Variants in NELL1 observed in about 807,000 individuals in gnomAD.
NELL1 encodes protein kinase C-binding protein NELL1.
A neutral mutation model predicts 107.4 loss-of-function variants in NELL1; 76 were observed. The ratio of observed to expected loss-of-function variants is 0.71; its 90% confidence interval spans 0.59 to 0.86. The LOEUF (loss-of-function observed/expected upper bound fraction) is 0.86, where lower values mean the gene tolerates loss of function less well. Among genes scored for constraint, NELL1 ranks in the 40% least tolerant of loss-of-function variants. The pLI is 0.00. For synonymous variants in NELL1, 353 were observed against 341.2 expected (o/e 1.03, Z -0.38); for missense variants, 1,024 against 1,005.5 (o/e 1.02, Z -0.25).
chr11:20,762,362 T>C lies in NELL1; in HGVS notation c.185-21318T>C, dbSNP rs536061489. On this transcript the variant is annotated intron_variant, in intron 2 of 19. Coordinates refer to ENST00000357134, the MANE Select transcript of NELL1 (RefSeq NM_006157.5). ...AAAAGCTCTTTGTACACTGAGCACG[T>C]CTGCGGTTACGGATGAACCCTCTCC... Among the ~76,000 whole-genome samples, 7 of 152,330 alleles carry C rather than the reference T, an allele frequency of 4.6e-5. No individual in the cohort carries two copies. The East Asian group carries it at 1.2e-3, about 25-fold the overall frequency.
intron 15 of NELL1, among the ~76,000 whole-genome samples, chr11:21,438,401 T>C (rs1012273997): frequency 6.6e-6 from 1 of 152,214 alleles, no homozygotes; most frequent in African/African-American, 2.4e-5. Context: ...TACTTTTTTC[T>C]CTTTGAATGT....
At chr11:21,376,419 A>G (rs1590880666) in intron 15 of NELL1, among the ~76,000 whole-genome samples, 2 of 151,872 alleles carry the variant, frequency 1.3e-5, no homozygotes, top group East Asian at 3.9e-4. Flanking sequence ...GTCTTTTTTT[A>G]CAAGTACCAT....
At chr11:20,728,433 A>G (rs1295322879) in intron 2 of NELL1, among the ~76,000 whole-genome samples, 2 of 152,162 alleles carry the variant, frequency 1.3e-5, no homozygotes, top group African/African-American at 2.4e-5. Context: ...CATGATTCAT[A>G]TAGTTTGATG....
At chr11:21,314,738 A>G (rs552008829) in intron 14 of NELL1, among the ~76,000 whole-genome samples, 5 of 152,320 alleles carry the variant, frequency 3.3e-5, no homozygotes, top group Admixed American at 1.3e-4. Flanking sequence ...TTAGCCTTAT[A>G]CTTAAGAGTA....
intron 2 of NELL1, among the ~76,000 whole-genome samples, chr11:20,772,335 A>G (rs948913371): frequency 7.9e-5 from 12 of 152,194 alleles, no homozygotes; most frequent in South Asian, 2.1e-4. Flanking sequence ...AGAAATATAC[A>G]CAATAAGCTA....
intron 2 of NELL1, among the ~76,000 whole-genome samples, chr11:20,695,402 C>CT (rs1854588279): frequency 6.6e-6 from 1 of 152,230 alleles, no homozygotes; most frequent in East Asian, 1.9e-4. Flanking sequence ...CAGCTTTTGC[C>CT]TGTCCAATAC....
At chr11:20,712,401 G>T (rs1855135603) in intron 2 of NELL1, among the ~76,000 whole-genome samples, 1 of 151,788 alleles carries the variant, frequency 6.6e-6, no homozygotes. Context: ...CCTTTCTCTG[G>T]CATCTCCTTG....
At chr11:21,034,483 A>G (rs1251125295) in intron 12 of NELL1, among the ~76,000 whole-genome samples, 1 of 152,176 alleles carries the variant, frequency 6.6e-6, no homozygotes, top group Non-Finnish European at 1.5e-5. Flanking sequence ...TCTAAAATTG[A>G]TCACATCATT....
intron 8 of NELL1, 98 bp downstream of exon 8, chr11:20,927,540 C>T: frequency 8.2e-7 from 1 of 1,213,204 alleles, no homozygotes; most frequent in Non-Finnish European, 1.1e-6. Flanking sequence ...AATATTAACT[C>T]TGAGAATTGT....
intron 13 of NELL1, among the ~76,000 whole-genome samples, chr11:21,172,138 C>T (rs1474790556): frequency 6.6e-6 from 1 of 151,768 alleles, no homozygotes; most frequent in Non-Finnish European, 1.5e-5. Context: ...TTTGGATCTA[C>T]CTATTGAACG....
chr11:21,226,445 C>T (rs1857894902), intron 13 of NELL1, among the ~76,000 whole-genome samples: 1 of 152,150 alleles, frequency 6.6e-6, no homozygotes, highest in Non-Finnish European at 1.5e-5. Context: ...CTCTACTTAC[C>T]AGTTCTATGA....
intron 16 of NELL1, among the ~76,000 whole-genome samples, chr11:21,536,417 C>CA (rs2133973330): frequency 6.6e-6 from 1 of 152,276 alleles, no homozygotes; most frequent in East Asian, 1.9e-4. Flanking sequence ...TGGGATGAAA[C>CA]ATGATGATTC....
intron 11 of NELL1, 83 bp from the exon 12 acceptor site, chr11:20,960,349 A>G: frequency 5.8e-6 from 8 of 1,389,346 alleles, no homozygotes; most frequent in Middle Eastern, 2.1e-4. Context: ...AGTGACATAT[A>G]ATAAAAAATG....
rs10500894 is a variant in NELL1, at chr11:21,159,552, C to T, written c.1426+45838C>T. On this transcript the variant is annotated intron_variant, in intron 13 of 19. Coordinates refer to ENST00000357134, the MANE Select transcript of NELL1 (RefSeq NM_006157.5). ...TTGCAAATACAAATGTCTATTGCAG[C>T]GGATAATGTCTGATTGACCAATGCC... Among the ~76,000 whole-genome samples the T allele has an allele frequency of 9.4e-3, 1,435 of 152,238 alleles. 21 individuals are homozygous for T. The highest frequency in any genetic ancestry group is 0.032 in the African/African-American group (1,349 of 41,530).
intron 14 of NELL1, among the ~76,000 whole-genome samples, chr11:21,356,745 C>T (rs1397926746): frequency 1.3e-5 from 2 of 152,084 alleles, no homozygotes; most frequent in African/African-American, 4.8e-5. Context: ...GGTTCTGGTT[C>T]ACCCATCACC....
chr11:21,108,523 G>A (rs1166625364), intron 12 of NELL1, among the ~76,000 whole-genome samples: 1 of 152,106 alleles, frequency 6.6e-6, no homozygotes, highest in East Asian at 1.9e-4. Context: ...CAATTTATAT[G>A]AAAGAATTGC....
chr11:21,400,601 C>T (rs139803030), intron 15 of NELL1, among the ~76,000 whole-genome samples: 45 of 152,008 alleles, frequency 3.0e-4, no homozygotes, highest in African/African-American at 1.1e-3. Flanking sequence ...GTGATGTTCT[C>T]AATGTCTTTA....
At chr11:21,119,008 A>G (rs1391902791) in intron 13 of NELL1, among the ~76,000 whole-genome samples, 1 of 152,104 alleles carries the variant, frequency 6.6e-6, no homozygotes, top group Non-Finnish European at 1.5e-5. Flanking sequence ...GTGTTATAAA[A>G]GATAGTCACC....
chr11:20,918,478 C>T (rs1273104547), intron 6 of NELL1, among the ~76,000 whole-genome samples: 1 of 151,728 alleles, frequency 6.6e-6, no homozygotes, highest in East Asian at 1.9e-4. Flanking sequence ...AAAGACATAC[C>T]CTAGACTGGG....
Sources: allele counts gnomAD v4.1 joint callset (sites outside exome capture counted in the v4.1 genomes callset), GRCh38; gene constraint gnomAD v4.1.1; transcripts MANE v1.5; gene names NCBI Gene and HGNC (gene_info 2026-07-23, HGNC 2026-07-21).